COMMD1: variants seen among roughly 807,000 people sequenced by gnomAD.
The protein encoded by COMMD1 is copper metabolism domain containing 1, also known as COMM domain-containing protein 1.
In COMMD1, 10 loss-of-function variants were observed where a neutral mutation model predicts 17.2. The observed-to-expected ratio is 0.58, with a 90% CI of 0.36 to 0.99. COMMD1 has a LOEUF of 0.99. Among genes scored for constraint, COMMD1 ranks in the 50% least tolerant of loss-of-function variants. The pLI is 0.01. For missense variants in COMMD1, 270 were observed against 231.8 expected (o/e 1.17, Z -1.07); for synonymous variants, 97 against 91.6 (o/e 1.06, Z -0.34).
chr2:62,082,731 G>A (rs535695683), intron 2 of COMMD1, among the ~76,000 whole-genome samples: 4 of 152,182 alleles, frequency 2.6e-5, no homozygotes, highest in Admixed American at 1.3e-4. Flanking sequence ...GTGGTGGCAC[G>A]TGCCTGTAGT....
intron 2 of COMMD1, among the ~76,000 whole-genome samples, chr2:62,010,287 C>A (rs1218071342): frequency 6.6e-6 from 1 of 152,094 alleles, no homozygotes; most frequent in Admixed American, 6.6e-5. Flanking sequence ...TTCCTGCTAG[C>A]CTTCTAGCTC....
chr2:61,905,698 A>G lies in COMMD1; in HGVS notation c.20A>G (p.Glu7Gly), dbSNP rs754256975. 1 of 1,580,792 alleles carries G rather than the reference A, an allele frequency of 6.3e-7. No homozygotes were observed. Among genetic ancestry groups the G allele is most frequent in the East Asian group, 2.3e-5 (1 of 43,762 alleles). ...CAGAGCATGGCGGCGGGCGAGCTTG[A>G]GGGTGGCAAACCCCTGAGCGGGCTG... MAAGEL[E>G]GGKPLSGLLN... The change falls in exon 1 of 3, where the codon GAG (glutamate) becomes GGG (glycine). Residue 7 changes from glutamate to glycine, a missense_variant. Glu to Gly is a moderately conservative substitution (Grantham distance 98). Coordinates refer to ENST00000311832, the MANE Select transcript of COMMD1 (RefSeq NM_152516.4).
In COMMD1 at chr2:61,890,756, A is replaced by G. The variant is rs529782492; in HGVS notation, n.119+1914A>G. ...GCAGGAGAATCCCTTGAAGCCAGGA[A>G]GTGGAGGTTGCAGTGAGCCGAGATT... On this transcript the variant is annotated intron_variant and non_coding_transcript_variant, in intron 1 of 2. Transcript: ENST00000472729. Among the ~76,000 whole-genome samples the G allele has an allele frequency of 1.6e-4, 24 of 147,828 alleles. No homozygotes were observed. The South Asian group carries it at 2.6e-3, about 16-fold the overall frequency.
intron 1 of COMMD1, among the ~76,000 whole-genome samples, chr2:61,891,977 G>T (rs1239366682): frequency 6.6e-6 from 1 of 150,918 alleles, no homozygotes; most frequent in East Asian, 2.0e-4. Context: ...GACTACAGGC[G>T]CCCACCACCA....
At chr2:61,924,208 C>G (rs1294448412) in intron 1 of COMMD1, among the ~76,000 whole-genome samples, 1 of 152,162 alleles carries the variant, frequency 6.6e-6, no homozygotes, top group Non-Finnish European at 1.5e-5. Context: ...CCACTCTTAC[C>G]TCTGGTAAGG....
At chr2:61,978,605 A>G (rs1262061584) in intron 1 of COMMD1, among the ~76,000 whole-genome samples, 2 of 152,094 alleles carry the variant, frequency 1.3e-5, no homozygotes, top group Admixed American at 6.5e-5. Context: ...CCTCTCCTTA[A>G]GGTGTTTGCT....
intron 2 of COMMD1, among the ~76,000 whole-genome samples, chr2:62,067,435 C>G (rs1294415694): frequency 6.6e-6 from 1 of 151,994 alleles, no homozygotes; most frequent in Admixed American, 6.6e-5. Context: ...TTATTTTCCC[C>G]AAGCCCCATA....
chr2:62,104,399 G>A lies in COMMD1; in HGVS notation c.463-31432G>A, dbSNP rs374245168. Among the ~76,000 whole-genome samples the A allele has an allele frequency of 1.3e-4, 20 of 151,374 alleles. No individual in the cohort carries two copies. The East Asian group carries it at 1.4e-3, about 10-fold the overall frequency. On this transcript the variant is annotated intron_variant, in intron 2 of 2. Transcript: ENST00000311832. ...CTGTAATCCCAGCACTTTGGGAGGC[G>A]GAGGTGGGCAGATCACCTGAGGTCA...
intron 2 of COMMD1, among the ~76,000 whole-genome samples, chr2:62,114,550 TAGGATTGCC>T (rs2104054179): frequency 6.6e-6 from 1 of 152,318 alleles, no homozygotes; most frequent in Admixed American, 6.5e-5. Flanking sequence ...TCTTCTTTCT[TAGGATTGCC>T]AGTGATGGGC....
chr2:62,113,258 A>G (rs369976245), intron 2 of COMMD1, among the ~76,000 whole-genome samples: 12 of 152,114 alleles, frequency 7.9e-5, no homozygotes, highest in African/African-American at 2.9e-4. Flanking sequence ...AGGCTGAGGC[A>G]GGAGGATTAC....
chr2:62,125,724 T>C (rs989293797), intron 2 of COMMD1, among the ~76,000 whole-genome samples: 3 of 152,192 alleles, frequency 2.0e-5, no homozygotes, highest in Non-Finnish European at 4.4e-5. Flanking sequence ...AACAAGGCCA[T>C]GTTTCAGTTG....
chr2:61,984,932 T>TA (rs1672061983), intron 1 of COMMD1, among the ~76,000 whole-genome samples: 1 of 152,154 alleles, frequency 6.6e-6, no homozygotes, highest in South Asian at 2.1e-4. Context: ...TTGTAGTTTT[T>TA]ATCTTGAAAT....
At chr2:62,050,721 A>C (rs1558577850) in intron 2 of COMMD1, among the ~76,000 whole-genome samples, 1 of 152,224 alleles carries the variant, frequency 6.6e-6, no homozygotes, top group Non-Finnish European at 1.5e-5. Context: ...TATATTTCTC[A>C]TCACTGGGAA....
At chr2:62,017,483 C>T (rs907327905) in intron 2 of COMMD1, among the ~76,000 whole-genome samples, 16 of 151,676 alleles carry the variant, frequency 1.1e-4, no homozygotes, top group African/African-American at 3.2e-4. Flanking sequence ...GCCTGGGCAA[C>T]ATGGTGAAAC....
intron 1 of COMMD1, among the ~76,000 whole-genome samples, chr2:61,914,190 A>C (rs542760945): frequency 6.6e-6 from 1 of 152,036 alleles, no homozygotes; most frequent in Non-Finnish European, 1.5e-5. Context: ...AAATAAATAA[A>C]ATTGGAAACA....
chr2:61,972,402 T>G (rs1671674085), intron 1 of COMMD1, among the ~76,000 whole-genome samples: 1 of 152,210 alleles, frequency 6.6e-6, no homozygotes, highest in Non-Finnish European at 1.5e-5. Context: ...ATGTAGATAC[T>G]TTGCCTCCAA....
intron 1 of COMMD1, among the ~76,000 whole-genome samples, chr2:61,923,602 A>G (rs981343998): frequency 6.6e-6 from 1 of 152,134 alleles, no homozygotes; most frequent in East Asian, 1.9e-4. Flanking sequence ...TGTTGAGTCC[A>G]AGGATACCAA....
chr2:61,978,525 T>G (rs1384497833), intron 1 of COMMD1, among the ~76,000 whole-genome samples: 2 of 152,206 alleles, frequency 1.3e-5, no homozygotes, highest in African/African-American at 4.8e-5. Flanking sequence ...TTCATTCTAT[T>G]TATTTATTTT....
intron 1 of COMMD1, among the ~76,000 whole-genome samples, chr2:61,981,174 CT>C (rs1422754840): frequency 1.3e-5 from 2 of 152,126 alleles, no homozygotes; most frequent in Non-Finnish European, 2.9e-5. Context: ...CATTTGTCCA[CT>C]TTTGCTTTGG....
Sources: allele counts gnomAD v4.1 joint callset (sites outside exome capture counted in the v4.1 genomes callset), GRCh38; gene constraint gnomAD v4.1.1; transcripts MANE v1.5; gene names NCBI Gene and HGNC (gene_info 2026-07-23, HGNC 2026-07-21).